Variants in PRRG3 observed in about 807,000 individuals in gnomAD.
PRRG3 encodes transmembrane gamma-carboxyglutamic acid protein 3.
Under a neutral mutation model 15.8 loss-of-function variants are expected in PRRG3, and 21 were observed. The ratio of observed to expected loss-of-function variants is 1.33; its 90% CI spans 0.94 to 1.92. The LOEUF (loss-of-function observed/expected upper bound fraction) is 1.92, where lower values mean the gene tolerates loss of function less well. Among genes scored for constraint, PRRG3 ranks in the 40% most tolerant of loss-of-function variants. The probability of loss-of-function intolerance (pLI) is 0.00; values close to 1 mark genes in which losing one functional copy is unlikely to be tolerated. For synonymous variants in PRRG3, 125 were observed against 84.1 expected, an observed-to-expected ratio of 1.49 and a Z score of -2.66; for missense variants, 251 against 200.2, an observed-to-expected ratio of 1.25 and a Z score of -1.53.
Position 151,700,561 on chromosome X carries a change from A to G in PRRG3, c.224A>G (p.Gln75Arg), listed in dbSNP as rs2014852397. Reference protein sequence around the residue: ...NAVYSVRDPSQSSDAMYVVVP... With the variant: ...NAVYSVRDPSRSSDAMYVVVP... Reference sequence around the variant, plus strand: ...GTCTACTCTGTCCGAGACCCCTCGCAGAGCTCAGATGCCATGTATGTGGTG... The same window carrying G: ...GTCTACTCTGTCCGAGACCCCTCGCGGAGCTCAGATGCCATGTATGTGGTG... The change falls in exon 4 of 4, where the codon CAG becomes CGG. Residue 75 changes from glutamine (Q) to arginine (R), a missense_variant. Physicochemically the swap from Gln to Arg is conservative, Grantham distance 43. Transcript: ENST00000674457. The G allele has an allele frequency of 1.7e-6, 2 of 1,208,965 alleles. No homozygotes were observed. The highest frequency in any genetic ancestry group is 5.9e-5 in the East Asian group (2 of 33,753).
Position 151,700,776 on chromosome X carries a change from G to T in PRRG3, c.439G>T (p.Gly147Trp), listed in dbSNP as rs2014861072. Reference sequence around the variant, plus strand: ...TGTGCATAGCCAAGGGGAGCCTTCTGGGCACCGAGAGGCAGCGAACAGCCC... The same window carrying T: ...TGTGCATAGCCAAGGGGAGCCTTCTTGGCACCGAGAGGCAGCGAACAGCCC... ...GTVHSQGEPSGHREAANSPQV... is the reference protein window; with the variant it reads ...GTVHSQGEPSWHREAANSPQV... The change falls in exon 4 of 4, where the codon GGG (glycine) becomes TGG (tryptophan). Residue 147 changes from glycine to tryptophan, a missense_variant. Transcript: ENST00000674457. The T allele has an allele frequency of 8.3e-7, 1 of 1,198,990 alleles. No homozygotes were observed. Among genetic ancestry groups the T allele is most frequent in the East Asian group, 3.0e-5 (1 of 33,503 alleles).
Position 151,701,154 on chromosome X carries a change from C to T in PRRG3, c.*121C>T, listed in dbSNP as rs2014876206. 5 of 678,746 alleles carry T rather than the reference C, an allele frequency of 7.4e-6. No homozygotes were observed. The highest frequency in any genetic ancestry group is 8.1e-6 in the Non-Finnish European group (4 of 495,596). 55.9% of individuals were successfully genotyped at this position (678,746 alleles called of 1,213,427 possible). ...TTAGCCTCCTTGTTGCCAAATAATT[C>T]CCTAACTGTGGAGTTTTAGGAAGTC... On this transcript the variant is annotated 3_prime_UTR_variant, in exon 4 of 4. Transcript: ENST00000674457.
chrX:151,698,874 A>C (rs2014812486), intron 2 of PRRG3, 53 bp downstream of exon 2: 2 of 1,127,932 alleles, frequency 1.8e-6, no homozygotes, highest in African/African-American at 1.8e-5. Flanking sequence ...CTAGGGGTTC[A>C]TGAGTCAGGT....
chrX:151,697,042 C>T, intron 1 of PRRG3, among the ~76,000 whole-genome samples: 1 of 93,044 alleles, frequency 1.1e-5, no homozygotes, highest in Non-Finnish European at 2.1e-5. Context: ...CCTCCCCTTC[C>T]CTTCTCCTTC....
At position 151,700,908 on chromosome X, in the gene PRRG3, C is replaced by A. The variant is rs747197308; in HGVS notation, c.571C>A (p.Pro191Thr). 6 of 1,209,792 alleles carry A rather than the reference C, an allele frequency of 5.0e-6. No individual in the cohort carries two copies. Among genetic ancestry groups the A allele is most frequent in the South Asian group, 1.8e-5 (1 of 56,684 alleles). The change falls in exon 4 of 4, where the codon CCC becomes ACC. Residue 191 changes from proline to threonine, a missense_variant. Pro to Thr is a conservative substitution (Grantham distance 38, BLOSUM62 -1). Coordinates refer to ENST00000674457, the MANE Select transcript of PRRG3 (RefSeq NM_001372163.1). ...CTCCAGACTGTCCAGCACCACCCCTCCCCCCTCCTACGAGGAGGTGACTGC... is the reference window on the plus strand; with the variant it reads ...CTCCAGACTGTCCAGCACCACCCCTACCCCCTCCTACGAGGAGGTGACTGC... ...SLSRLSSTTP[P>T]PSYEEVTAPQ... is the part of the protein sequence containing the mutation.
chrX:151,695,841 G>T, intron 1 of PRRG3, among the ~76,000 whole-genome samples: 1 of 111,467 alleles, frequency 9.0e-6, no homozygotes, highest in Non-Finnish European at 1.9e-5. Flanking sequence ...TGGGTGGGTC[G>T]ATGAGTCATG....
In PRRG3 at chrX:151,702,480, G is replaced by C. The variant is rs1306101265; in HGVS notation, c.*1447G>C. On this transcript the variant is annotated 3_prime_UTR_variant, in exon 4 of 4. Coordinates refer to ENST00000674457, the MANE Select transcript of PRRG3 (RefSeq NM_001372163.1). Reference sequence around the variant, plus strand: ...CCAGCTTGGACCACTCCACCCTGTGGCTGGGGTTTTCCATCCTTCCCCCTA... The same window carrying C: ...CCAGCTTGGACCACTCCACCCTGTGCCTGGGGTTTTCCATCCTTCCCCCTA... 8.9e-6 allele frequency: 1 copy of C among 112,043 alleles called. No homozygotes were observed. Among genetic ancestry groups the C allele is most frequent in the African/African-American group, 3.2e-5 (1 of 30,809 alleles). 9.2% of individuals were successfully genotyped at this position (112,043 alleles called of 1,213,427 possible).
At position 151,702,403 on chromosome X, in the gene PRRG3, C is replaced by T. The variant is rs1236922697; in HGVS notation, c.*1370C>T. 8.9e-6 allele frequency: 1 copy of T among 111,997 alleles called. No individual in the cohort carries two copies. The highest frequency in any genetic ancestry group is 9.4e-5 in the Admixed American group (1 of 10,623). 9.2% of individuals were successfully genotyped at this position (111,997 alleles called of 1,213,427 possible). A position where few individuals can be genotyped will look rare whatever the true frequency, so the allele number is the denominator to read the frequency against. Reference sequence around the variant, plus strand: ...GGCTGCTCTAGCCCTGAGGACTTGCCCTGGGACGTGCTTCCAGTTAGAAGG... The same window carrying T: ...GGCTGCTCTAGCCCTGAGGACTTGCTCTGGGACGTGCTTCCAGTTAGAAGG... On this transcript the variant is annotated 3_prime_UTR_variant, in exon 4 of 4. Transcript: ENST00000674457.
chrX:151,700,159 A>G lies in PRRG3; in HGVS notation c.168+3A>G, dbSNP rs765059386. 4 of 1,212,141 alleles carry G rather than the reference A, an allele frequency of 3.3e-6. No homozygotes were observed. Among genetic ancestry groups the G allele is most frequent in the South Asian group, 1.8e-5 (1 of 57,004 alleles). On this transcript the variant is annotated splice_donor_region_variant and intron_variant, in intron 3 of 3. Coordinates refer to ENST00000674457, the MANE Select transcript of PRRG3 (RefSeq NM_001372163.1). ...TGTTTGAGAACAAAGAGAAAACGGC[A>G]TGTACCACCCTGGGGCTGGTTCTGG...
At chrX:151,696,008 C>T (rs1290894966) in intron 1 of PRRG3, among the ~76,000 whole-genome samples, 1 of 111,122 alleles carries the variant, frequency 9.0e-6, no homozygotes, top group African/African-American at 3.3e-5. Flanking sequence ...TCCCAGAGGC[C>T]TGAGATTCAG....
chrX:151,694,783 C>G (rs1434368322), upstream of PRRG3, among the ~76,000 whole-genome samples: 1 of 111,872 alleles, frequency 8.9e-6, no homozygotes, highest in Non-Finnish European at 1.9e-5. Flanking sequence ...GGTTGGGCTG[C>G]GCAGGGACGC....
chrX:151,701,077 G>T lies in PRRG3; in HGVS notation c.*44G>T, dbSNP rs369369640. ...TCCTGGATGAACGCCTCTTTCCGAG[G>T]TCTCCTATTTTCTTTTTAACTTTTT... On this transcript the variant is annotated 3_prime_UTR_variant, in exon 4 of 4. Coordinates refer to ENST00000674457, the MANE Select transcript of PRRG3 (RefSeq NM_001372163.1). 48 of 1,054,185 alleles carry T rather than the reference G, an allele frequency of 4.6e-5. No individual in the cohort carries two copies. The highest frequency in any genetic ancestry group is 5.8e-5 in the Non-Finnish European group (47 of 806,174). 86.9% of individuals were successfully genotyped at this position (1,054,185 alleles called of 1,213,427 possible).
intron 1 of PRRG3, among the ~76,000 whole-genome samples, chrX:151,697,072 C>CT (rs2014774076): frequency 1.2e-5 from 1 of 80,738 alleles, no homozygotes; most frequent in Non-Finnish European, 2.3e-5. Context: ...TCCTTCCCTT[C>CT]CCTTCTCCTT....
chrX:151,697,805 T>C (rs2014793598), intron 1 of PRRG3, among the ~76,000 whole-genome samples: 1 of 108,981 alleles, frequency 9.2e-6, no homozygotes, highest in Non-Finnish European at 1.9e-5. Context: ...AGAATGTGTG[T>C]ATGAGTGGGC....
chrX:151,700,542 T>G lies in PRRG3; in HGVS notation c.205T>G (p.Ser69Ala), dbSNP rs1303317689. 1 of 1,202,528 alleles carries G rather than the reference T, an allele frequency of 8.3e-7. No individual in the cohort carries two copies. Among genetic ancestry groups the G allele is most frequent in the Admixed American group, 2.2e-5 (1 of 45,526 alleles). ...GAAAGGGTACCCAAATGCAGTCTAC[T>G]CTGTCCGAGACCCCTCGCAGAGCTC... ...FWKGYPNAVY[S>A]VRDPSQSSDA... The change falls in exon 4 of 4, where the codon TCT (serine) becomes GCT (alanine). Residue 69 changes from serine to alanine, a missense_variant. By Grantham distance (99) the Ser-to-Ala change is moderately conservative (BLOSUM62 1). Coordinates refer to ENST00000674457, the MANE Select transcript of PRRG3 (RefSeq NM_001372163.1).
rs745352484 is a variant in PRRG3 at position 151,700,497 on chromosome X, C to G, written c.169-9C>G. 10 of 1,169,169 alleles carry G rather than the reference C, an allele frequency of 8.6e-6. No individual in the cohort carries two copies. The South Asian group carries it at 1.8e-4, about 21-fold the overall frequency. ...GAGCTTCTCTTAAGTACCACTTTTT[C>G]TTTTGCAGATGGAGTTCTGGAAAGG... On this transcript the variant is annotated splice_polypyrimidine_tract_variant and intron_variant, in intron 3 of 3. Coordinates refer to ENST00000674457, the MANE Select transcript of PRRG3 (RefSeq NM_001372163.1).
chrX:151,698,479 C>T, intron 1 of PRRG3: 1 of 191,559 alleles, frequency 5.2e-6, no homozygotes, highest in East Asian at 9.4e-5. Flanking sequence ...AGGAGCTTTC[C>T]TTTTTAAAAG....
intron 3 of PRRG3, 83 bp from the exon 4 acceptor site, chrX:151,700,423 G>T (rs2014848067): frequency 8.9e-7 from 1 of 1,122,528 alleles, no homozygotes; most frequent in Non-Finnish European, 1.2e-6. Flanking sequence ...GATGGGGAAG[G>T]GTAGGAAGCA....
chrX:151,697,763 C>T (rs1004709060), intron 1 of PRRG3, among the ~76,000 whole-genome samples: 8 of 108,435 alleles, frequency 7.4e-5, no homozygotes, highest in African/African-American at 2.0e-4. Context: ...GGGGTGATTG[C>T]TCCCAGATGT....
Sources: gnomAD v4.1 joint callset for allele counts (sites outside exome capture counted in the v4.1 genomes callset) on GRCh38, gnomAD v4.1.1 for gene constraint, MANE v1.5 for transcripts, NCBI Gene and HGNC (gene_info 2026-07-23, HGNC 2026-07-21) for gene names.